The following MTCL1 variants were observed in gnomAD, a reference collection of about 807,000 sequenced individuals.
MTCL1 encodes microtubule crosslinking factor 1.
In MTCL1, 79 loss-of-function variants were observed where a neutral mutation model predicts 141.4. That is an observed-to-expected ratio of 0.56 (90% CI 0.47 to 0.67). The LOEUF is 0.67. Among genes scored for constraint, MTCL1 ranks in the 30% least tolerant of loss-of-function variants. The probability of loss-of-function intolerance (pLI) is 0.00; values close to 1 mark genes in which losing one functional copy is unlikely to be tolerated. For synonymous variants in MTCL1, 914 were observed against 875.8 expected (o/e 1.04, Z -0.77); for missense variants, 2,177 against 2,113.9 (o/e 1.03, Z -0.59).
chr18:8,708,999 G>A (rs551318350), intron 1 of MTCL1, among the ~76,000 whole-genome samples: 3 of 152,190 alleles, frequency 2.0e-5, no homozygotes, highest in African/African-American at 7.2e-5. Flanking sequence ...GTTCAATTCG[G>A]GAAGGAAACG....
intron 10 of MTCL1, chr18:8,800,592 A>G (rs1251288981): frequency 6.6e-6 from 1 of 152,260 alleles, no homozygotes; most frequent in Non-Finnish European, 1.5e-5. Context: ...GCCACAGTGA[A>G]TGCTTTCAGT....
intron 4 of MTCL1, among the ~76,000 whole-genome samples, chr18:8,747,885 C>A (rs2096348685): frequency 6.6e-6 from 1 of 152,194 alleles, no homozygotes; most frequent in African/African-American, 2.4e-5. Context: ...ATAGCCTCAG[C>A]AGCCCTGCAC....
chr18:8,774,067 C>T (rs367773305), intron 4 of MTCL1, among the ~76,000 whole-genome samples: 2 of 152,188 alleles, frequency 1.3e-5, no homozygotes, highest in Non-Finnish European at 2.9e-5. Context: ...ACTCCGCCCT[C>T]GCAGTGGAGA....
chr18:8,816,583 T>G (rs1231699568), intron 12 of MTCL1, among the ~76,000 whole-genome samples: 1 of 152,214 alleles, frequency 6.6e-6, no homozygotes, highest in Non-Finnish European at 1.5e-5. Context: ...CCAGTTAACA[T>G]GCAGATGATG....
At chr18:8,783,802 G>A (rs1021693950) in exon 6 of MTCL1, 1 of 1,613,328 alleles carries the variant, frequency 6.2e-7, no homozygotes, top group Non-Finnish European at 8.5e-7. Context: ...AGCTGGAGGT[G>A]GAGAACCGTG....
At chr18:8,740,440 C>T (rs28480311) in intron 4 of MTCL1, among the ~76,000 whole-genome samples, 11 of 152,214 alleles carry the variant, frequency 7.2e-5, no homozygotes, top group African/African-American at 1.7e-4. Flanking sequence ...AGATACCATG[C>T]GGCCCAAGGA....
intron 2 of MTCL1, 40 bp from the exon 2 acceptor site, chr18:8,718,384 T>G: frequency 6.3e-7 from 1 of 1,581,912 alleles, no homozygotes; most frequent in South Asian, 1.1e-5. Flanking sequence ...CCTTTTTTGA[T>G]GTACTTGGCT....
At chr18:8,772,688 TTAAATA>T (rs1369977907) in intron 4 of MTCL1, among the ~76,000 whole-genome samples, 1 of 151,572 alleles carries the variant, frequency 6.6e-6, no homozygotes, top group Admixed American at 6.6e-5. Flanking sequence ...ATGTTATATC[TTAAATA>T]TAAATATATT....
At chr18:8,721,196 T>A (rs2096169401) in intron 4 of MTCL1, among the ~76,000 whole-genome samples, 1 of 152,240 alleles carries the variant, frequency 6.6e-6, no homozygotes, top group South Asian at 2.1e-4. Context: ...GTGTTGAAAT[T>A]AAAAGCCTTT....
chr18:8,706,204 C>G, exon 1 of MTCL1: 2 of 1,226,616 alleles, frequency 1.6e-6, no homozygotes, highest in Non-Finnish European at 2.0e-6. Flanking sequence ...CCCGGCCGCC[C>G]GGATCCCTGC....
intron 1 of MTCL1, 22 bp downstream of exon 1, chr18:8,706,735 G>T: frequency 6.5e-7 from 1 of 1,543,052 alleles, no homozygotes; most frequent in South Asian, 1.2e-5. Context: ...CTCGGCCGCA[G>T]GTGTCCCGGG....
chr18:8,829,611 G>C (rs1245877220), intron 16 of MTCL1: 1 of 985,214 alleles, frequency 1.0e-6, no homozygotes, highest in East Asian at 1.1e-4. Flanking sequence ...CATGAGAAAA[G>C]ATATACTTTT....
intron 4 of MTCL1, among the ~76,000 whole-genome samples, chr18:8,756,361 GTA>G (rs1460293208): frequency 2.3e-5 from 3 of 132,044 alleles, no homozygotes; most frequent in African/African-American, 8.3e-5. Flanking sequence ...GTGTATATAT[GTA>G]TATATGTGTA....
At chr18:8,780,077 CGT>C (rs955702308) in intron 5 of MTCL1, among the ~76,000 whole-genome samples, 3 of 152,144 alleles carry the variant, frequency 2.0e-5, no homozygotes, top group Non-Finnish European at 2.9e-5. Flanking sequence ...TAACCTCCAG[CGT>C]GTTTCAGGAC....
rs1272753211 is a variant in MTCL1, at chr18:8,779,567, C to T, written c.417+1675C>T. 6.6e-6 allele frequency among the ~76,000 whole-genome samples: 1 copy of T among 152,178 alleles called. No individual in the cohort carries two copies. The highest frequency in any genetic ancestry group is 2.4e-5 in the African/African-American group (1 of 41,436). On this transcript the variant is annotated intron_variant, in intron 5 of 16. Coordinates refer to ENST00000359865, the Ensembl canonical transcript of MTCL1. The surrounding 1 kb of genome is among the most constrained non-coding windows in gnomAD (Gnocchi z 4.1). ...TCAGAACAGGCCGAGCTCAGCTTCC[C>T]TCAGGCCGCCCCTCTCCTGTACACA...
exon 4 of MTCL1, chr18:8,720,347 G>A (rs775119335): frequency 1.3e-5 from 21 of 1,614,158 alleles, no homozygotes; most frequent in Non-Finnish European, 1.8e-5. Context: ...GGTAGCCAAA[G>A]ATGTATCTGT....
chr18:8,714,523 A>C (rs1272236688), upstream of MTCL1, among the ~76,000 whole-genome samples: 1 of 152,192 alleles, frequency 6.6e-6, no homozygotes, highest in Non-Finnish European at 1.5e-5. Flanking sequence ...GGGAGGCCTC[A>C]CAATCATGGT....
chr18:8,763,615 A>G (rs556114999), intron 4 of MTCL1, among the ~76,000 whole-genome samples: 89 of 152,292 alleles, frequency 5.8e-4, no homozygotes, highest in African/African-American at 2.1e-3. Context: ...ACGCTTCTAC[A>G]TATCCTTTGG....
intron 12 of MTCL1, among the ~76,000 whole-genome samples, chr18:8,817,644 A>G (rs1327436471): frequency 6.6e-6 from 1 of 152,218 alleles, no homozygotes; most frequent in Non-Finnish European, 1.5e-5. Flanking sequence ...TGATGCTTAA[A>G]AAAAAATGAA....
Sources: allele counts gnomAD v4.1 joint callset (sites outside exome capture counted in the v4.1 genomes callset), GRCh38; gene constraint gnomAD v4.1.1; non-coding constraint Gnocchi (gnomAD v3.1); transcripts MANE v1.5; gene names NCBI Gene and HGNC (gene_info 2026-07-23, HGNC 2026-07-21).